The following ATRNL1 variants were observed in gnomAD, a reference collection of about 807,000 sequenced individuals.
ATRNL1 encodes attractin-like protein 1.
Under a neutral mutation model 182.7 loss-of-function variants are expected in ATRNL1, and 95 were observed. The ratio of observed to expected loss-of-function variants is 0.52; its 90% confidence interval spans 0.44 to 0.62. The LOEUF (loss-of-function observed/expected upper bound fraction) is 0.62. ATRNL1 is among the 20% of genes least tolerant of loss of function. The pLI, the probability that ATRNL1 is intolerant of heterozygous loss-of-function variation, is 0.00. For missense variants in ATRNL1, 1,471 were observed against 1,679.5 expected (o/e 0.88, Z 2.17); for synonymous variants, 576 against 568.3 (o/e 1.01, Z -0.19).
chr10:115,300,283 T>G (rs979504808), intron 16 of ATRNL1, 36 bp downstream of exon 16: 1 of 1,542,056 alleles, frequency 6.5e-7, no homozygotes, highest in Middle Eastern at 1.7e-4. Context: ...CCTTTAAAAG[T>G]ATGTTTCCCA....
chr10:115,358,730 C>A (rs1250430737), intron 19 of ATRNL1, among the ~76,000 whole-genome samples: 1 of 151,606 alleles, frequency 6.6e-6, no homozygotes, highest in Non-Finnish European at 1.5e-5. Flanking sequence ...AGAATTGAAA[C>A]CTTGAACTAC....
rs781914594 is a variant in ATRNL1 at position 115,120,237 on chromosome 10, A to G, written c.346A>G (p.Lys116Glu). The G allele has an allele frequency of 2.5e-6, 4 of 1,576,858 alleles. No homozygotes were observed. The South Asian group carries it at 3.4e-5, about 13-fold the overall frequency. The change falls in exon 2 of 29, where the codon AAA (lysine) becomes GAA (glutamate). Residue 116 changes from lysine to glutamate, a missense_variant. Physicochemically the swap from Lys to Glu is moderately conservative, Grantham distance 56. Transcript: ENST00000355044. ...LTDGPINYKY[K>E]TKCTWLIEGY... ...AGATGGCCCAATTAACTATAAATAT[A>G]AAACTAAATGTACTTGGCTCATTGA...
intron 24 of ATRNL1, among the ~76,000 whole-genome samples, chr10:115,501,135 T>C (rs1554980020): frequency 6.6e-6 from 1 of 151,912 alleles, no homozygotes; most frequent in Non-Finnish European, 1.5e-5. Context: ...GGTTTCACCA[T>C]GTTTGCCAGG....
rs1405559892 is a variant in ATRNL1 at position 115,700,194 on chromosome 10, A to G, written c.3796-27054A>G. On this transcript the variant is annotated intron_variant, in intron 26 of 28. Transcript: ENST00000355044. ...TGGTTAAATGATTTATTTCTTTTGG[A>G]TATATACCCAGTAATGGGATTGCTG... Among the ~76,000 whole-genome samples, 198 of 152,214 alleles carry G rather than the reference A, an allele frequency of 1.3e-3. 1 individual carries two copies. Among genetic ancestry groups the G allele is most frequent in the African/African-American group, 4.6e-3 (189 of 41,534 alleles).
chr10:115,631,199 A>G (rs1331808881), intron 26 of ATRNL1, among the ~76,000 whole-genome samples: 2 of 152,042 alleles, frequency 1.3e-5, no homozygotes, highest in African/African-American at 2.4e-5. Flanking sequence ...GAAACTTACT[A>G]AGGTGAGGCT....
At chr10:115,737,199 G>A (rs1455667379) in intron 27 of ATRNL1, among the ~76,000 whole-genome samples, 2 of 151,700 alleles carry the variant, frequency 1.3e-5, no homozygotes, top group Non-Finnish European at 2.9e-5. Flanking sequence ...GCCTAGGCAG[G>A]AGGATTCCTT....
intron 26 of ATRNL1, among the ~76,000 whole-genome samples, chr10:115,619,306 G>A (rs527365184): frequency 6.6e-6 from 1 of 152,300 alleles, no homozygotes; most frequent in South Asian, 2.1e-4. Context: ...GGGCCATAGA[G>A]GGCACATGTG....
At chr10:115,481,019 T>G (rs1439200711) in intron 24 of ATRNL1, among the ~76,000 whole-genome samples, 1 of 150,794 alleles carries the variant, frequency 6.6e-6, no homozygotes, top group Non-Finnish European at 1.5e-5. Flanking sequence ...ATATTATAAA[T>G]TTTTATAAAG....
At chr10:115,651,996 A>T (rs905086571) in intron 26 of ATRNL1, among the ~76,000 whole-genome samples, 4 of 152,114 alleles carry the variant, frequency 2.6e-5, no homozygotes, top group Non-Finnish European at 4.4e-5. Context: ...TAAAGGATTT[A>T]TGAAATAGAT....
intron 8 of ATRNL1, among the ~76,000 whole-genome samples, chr10:115,177,902 T>TG (rs1592217081): frequency 1.5e-5 from 2 of 130,804 alleles, no homozygotes; most frequent in South Asian, 4.9e-4. Flanking sequence ...TTTGTTTTTT[T>TG]GTTTTTTTTG....
rs564788069 is a variant in ATRNL1, at chr10:115,703,779, T to C, written c.3796-23469T>C. Among the ~76,000 whole-genome samples, 5 of 151,834 alleles carry C rather than the reference T, an allele frequency of 3.3e-5. No homozygotes were observed. The South Asian group carries it at 1.0e-3, about 32-fold the overall frequency. On this transcript the variant is annotated intron_variant, in intron 26 of 28. Coordinates refer to ENST00000355044, the MANE Select transcript of ATRNL1 (RefSeq NM_207303.4). Reference sequence around the variant, plus strand: ...AGAAAACCAGAATGCTCTATAAAAATAGAATAGTTTGGGGGAATTTTCTTT... The same window carrying C: ...AGAAAACCAGAATGCTCTATAAAAACAGAATAGTTTGGGGGAATTTTCTTT...
chr10:115,716,921 G>A (rs1241714575), intron 26 of ATRNL1, among the ~76,000 whole-genome samples: 1 of 152,080 alleles, frequency 6.6e-6, no homozygotes, highest in African/African-American at 2.4e-5. Flanking sequence ...TATTCTATGT[G>A]TGAAAAATTT....
At chr10:115,639,418 G>A (rs1394978687) in intron 26 of ATRNL1, among the ~76,000 whole-genome samples, 2 of 152,174 alleles carry the variant, frequency 1.3e-5, no homozygotes, top group Non-Finnish European at 2.9e-5. Context: ...GAAAGGAAAT[G>A]ACAAAGGAAA....
chr10:115,115,337 G>C (rs1425292263), intron 1 of ATRNL1, among the ~76,000 whole-genome samples: 3 of 152,074 alleles, frequency 2.0e-5, no homozygotes, highest in Non-Finnish European at 4.4e-5. Flanking sequence ...GTACAATGAA[G>C]TGACTAATGT....
chr10:115,794,153 A>G (rs1300200218), intron 27 of ATRNL1, among the ~76,000 whole-genome samples: 1 of 152,180 alleles, frequency 6.6e-6, no homozygotes, highest in East Asian at 1.9e-4. Context: ...TGCATGCACA[A>G]GAAAACTCAG....
At chr10:115,531,064 T>C (rs1592796361) in intron 25 of ATRNL1, among the ~76,000 whole-genome samples, 1 of 152,224 alleles carries the variant, frequency 6.6e-6, no homozygotes, top group Admixed American at 6.5e-5. Flanking sequence ...TCTTTGCTAT[T>C]GTGAATAGTG....
chr10:115,422,377 A>G (rs1395497832), intron 20 of ATRNL1, among the ~76,000 whole-genome samples: 1 of 152,232 alleles, frequency 6.6e-6, no homozygotes, highest in Non-Finnish European at 1.5e-5. Flanking sequence ...AAGTGAGCAA[A>G]GTACATGAAC....
At chr10:115,488,803 T>C (rs1043371434) in intron 24 of ATRNL1, among the ~76,000 whole-genome samples, 32 of 152,188 alleles carry the variant, frequency 2.1e-4, no homozygotes, top group Admixed American at 7.2e-4. Context: ...TCTAGTTCTT[T>C]TACTTGTGAT....
chr10:115,589,956 A>C (rs1555011671), intron 26 of ATRNL1, among the ~76,000 whole-genome samples: 1 of 152,188 alleles, frequency 6.6e-6, no homozygotes, highest in Non-Finnish European at 1.5e-5. Context: ...TCTATCTGAC[A>C]CAGCTTTGTG....
Sources: allele counts gnomAD v4.1 joint callset (sites outside exome capture counted in the v4.1 genomes callset), GRCh38; gene constraint gnomAD v4.1.1; transcripts MANE v1.5; gene names NCBI Gene and HGNC (gene_info 2026-07-23, HGNC 2026-07-21).